FGF9: variants seen among roughly 807,000 people sequenced by gnomAD.
FGF9 encodes the protein fibroblast growth factor 9 (glia-activating factor).
FGF9 carries 3 observed loss-of-function variants against 19.9 expected under a neutral mutation model. That is an observed-to-expected ratio of 0.15 (90% CI 0.07 to 0.39). The LOEUF is 0.39. Among genes scored for constraint, FGF9 ranks in the 10% least tolerant of loss-of-function variants. FGF9 has a pLI of 1.00. For synonymous variants in FGF9, 107 were observed against 106.9 expected, an observed-to-expected ratio of 1.00 and a Z score of -0.01; for missense variants, 175 against 256.8, an observed-to-expected ratio of 0.68 and a Z score of 2.18.
Position 21,702,897 on chromosome 13 carries a change from C to T in FGF9, c.*1462C>T, listed in dbSNP as rs1593102366. 6.6e-6 allele frequency: 1 copy of T among 152,272 alleles called. No homozygotes were observed. Among genetic ancestry groups the T allele is most frequent in the East Asian group, 1.9e-4 (1 of 5,182 alleles). The allele number at this position is 152,272 out of a possible 1,614,324, so 9.4% of individuals were successfully genotyped here. A position where few individuals can be genotyped will look rare whatever the true frequency, so the allele number is the denominator to read the frequency against. On this transcript the variant is annotated 3_prime_UTR_variant, in exon 3 of 3. Coordinates refer to ENST00000382353, the MANE Select transcript of FGF9 (RefSeq NM_002010.3). ...ACTGTGTTTTGTTTTTTAAAATGGT[C>T]TCCACAAGCGCTCAATTTTTTTAGA...
intron 2 of FGF9, among the ~76,000 whole-genome samples, chr13:21,696,458 T>G (rs917905696): frequency 5.9e-5 from 9 of 151,920 alleles, no homozygotes; most frequent in African/African-American, 1.7e-4. Context: ...AGTTAAATAA[T>G]CTAAAAAAAA....
chr13:21,685,078 G>T (rs759532696), intron 2 of FGF9, among the ~76,000 whole-genome samples: 46 of 152,288 alleles, frequency 3.0e-4, no homozygotes, highest in Admixed American at 7.2e-4. Context: ...ATTGTGATGA[G>T]ATTGAGAGAA....
chr13:21,684,808 C>T (rs1565950597), intron 2 of FGF9, among the ~76,000 whole-genome samples: 1 of 152,224 alleles, frequency 6.6e-6, no homozygotes, highest in Non-Finnish European at 1.5e-5. Context: ...CAAGTCTTCT[C>T]TGTGTGACCC....
chr13:21,697,273 T>C (rs1431960111), intron 2 of FGF9, among the ~76,000 whole-genome samples: 1 of 152,074 alleles, frequency 6.6e-6, no homozygotes, highest in Non-Finnish European at 1.5e-5. Context: ...CTCAGCCTCC[T>C]GTGTAGCTTG....
In FGF9 at chr13:21,671,099, C is replaced by A. The variant is rs976087919; in HGVS notation, c.-814C>A. Among the ~76,000 whole-genome samples, 5 of 152,112 alleles carry A rather than the reference C, an allele frequency of 3.3e-5. No individual in the cohort carries two copies. The highest frequency in any genetic ancestry group is 5.9e-5 in the Non-Finnish European group (4 of 67,982). On this transcript the variant is annotated 5_prime_UTR_variant, in exon 1 of 3. Coordinates refer to ENST00000382353, the MANE Select transcript of FGF9 (RefSeq NM_002010.3). ...CCACTCTGCGCGCCGGCGGGGGCTG[C>A]GCAGGAGGAGCGCTCCGCCCGGCTA...
chr13:21,681,983 C>T (rs911277206), intron 2 of FGF9, among the ~76,000 whole-genome samples: 3 of 151,352 alleles, frequency 2.0e-5, no homozygotes, highest in South Asian at 2.1e-4. Context: ...TAATCTGTAG[C>T]GTTTCTTTCT....
intron 1 of FGF9, among the ~76,000 whole-genome samples, chr13:21,674,848 C>G (rs1173242483): frequency 6.6e-6 from 1 of 151,478 alleles, no homozygotes; most frequent in African/African-American, 2.4e-5. Flanking sequence ...GCAGGAGAGG[C>G]GCATTCTAGG....
chr13:21,676,696 C>G (rs1054581485), intron 1 of FGF9, among the ~76,000 whole-genome samples: 3 of 152,088 alleles, frequency 2.0e-5, no homozygotes, highest in Admixed American at 6.5e-5. Flanking sequence ...CATGCCCTGC[C>G]CCTCTCGACA....
At chr13:21,689,142 C>T (rs1872229530) in intron 2 of FGF9, among the ~76,000 whole-genome samples, 1 of 152,136 alleles carries the variant, frequency 6.6e-6, no homozygotes, top group Non-Finnish European at 1.5e-5. Flanking sequence ...GAGCCCAACG[C>T]CCCTCTTTCC....
In FGF9 at chr13:21,681,033, T is replaced by C; in HGVS notation, c.278-9T>C. 2 of 1,603,244 alleles carry C rather than the reference T, an allele frequency of 1.2e-6. No homozygotes were observed. The highest frequency in any genetic ancestry group is 1.7e-6 in the Non-Finnish European group (2 of 1,170,280). On this transcript the variant is annotated splice_polypyrimidine_tract_variant and intron_variant, in intron 1 of 2. Coordinates refer to ENST00000382353, the MANE Select transcript of FGF9 (RefSeq NM_002010.3). The stretch of plus-strand genomic sequence containing the variant: ...GATCTGTCCTCTGCCTTCTACCCTT[T>C]GTCTACAGGCATTCTGGAATTTATC...
At chr13:21,689,699 G>T (rs1872243784) in intron 2 of FGF9, among the ~76,000 whole-genome samples, 1 of 152,318 alleles carries the variant, frequency 6.6e-6, no homozygotes, top group African/African-American at 2.4e-5. Context: ...ACTTTCAAAT[G>T]AATTCCTCAC....
Position 21,671,624 on chromosome 13 carries a change from G to C in FGF9, c.-289G>C. 1 of 560,634 alleles carries C rather than the reference G, an allele frequency of 1.8e-6. No individual in the cohort carries two copies. The highest frequency in any genetic ancestry group is 2.5e-5 in the South Asian group (1 of 39,498). 34.7% of individuals were successfully genotyped at this position (560,634 alleles called of 1,614,324 possible). A position where few individuals can be genotyped will look rare whatever the true frequency, so the allele number is the denominator to read the frequency against. The stretch of plus-strand genomic sequence containing the variant: ...ATGAAGACCTTCCTGCCTGCTAAGA[G>C]CTGGGGATCTATCTATAGAGATACA... On this transcript the variant is annotated 5_prime_UTR_variant, in exon 1 of 3. Transcript: ENST00000382353.
chr13:21,697,120 C>CA (rs1452501144), intron 2 of FGF9, among the ~76,000 whole-genome samples: 2 of 152,136 alleles, frequency 1.3e-5, no homozygotes, highest in Non-Finnish European at 2.9e-5. Flanking sequence ...TCAGCCATCA[C>CA]AAAAAATGCT....
chr13:21,674,900 G>C (rs754840447), intron 1 of FGF9, among the ~76,000 whole-genome samples: 1 of 151,470 alleles, frequency 6.6e-6, no homozygotes, highest in Non-Finnish European at 1.5e-5. Flanking sequence ...TGGCTCAATA[G>C]AAACCGTTAA....
At chr13:21,684,865 T>G (rs1872124195) in intron 2 of FGF9, among the ~76,000 whole-genome samples, 1 of 152,228 alleles carries the variant, frequency 6.6e-6, no homozygotes, top group Non-Finnish European at 1.5e-5. Context: ...GAGACCTTTT[T>G]GTCTCTTTTG....
intron 2 of FGF9, among the ~76,000 whole-genome samples, chr13:21,700,257 T>A (rs1872511119): frequency 6.6e-6 from 1 of 152,076 alleles, no homozygotes; most frequent in African/African-American, 2.4e-5. Flanking sequence ...AGGGGTCTCT[T>A]CTTCTATGTA....
At chr13:21,681,371 C>A in intron 2 of FGF9, 1 of 410,608 alleles carries the variant, frequency 2.4e-6, no homozygotes, top group Non-Finnish European at 4.4e-6. Context: ...TATGCCAAAC[C>A]ATCTTAATTA....
At chr13:21,680,049 G>C (rs914117380) in intron 1 of FGF9, among the ~76,000 whole-genome samples, 1 of 151,868 alleles carries the variant, frequency 6.6e-6, no homozygotes, top group South Asian at 2.1e-4. Context: ...AATTGAAACT[G>C]CTGTTGTGTG....
At chr13:21,678,931 G>T (rs1219565373) in intron 1 of FGF9, among the ~76,000 whole-genome samples, 1 of 152,120 alleles carries the variant, frequency 6.6e-6, no homozygotes, top group East Asian at 1.9e-4. Flanking sequence ...TCACATACAT[G>T]TGACTGCTAA....
Sources: gnomAD v4.1 joint callset for allele counts (sites outside exome capture counted in the v4.1 genomes callset) on GRCh38, gnomAD v4.1.1 for gene constraint, MANE v1.5 for transcripts, NCBI Gene and HGNC (gene_info 2026-07-23, HGNC 2026-07-21) for gene names.